The following METTL15 variants were observed in gnomAD, a reference collection of about 807,000 sequenced individuals.
METTL15 encodes the protein methyltransferase 15, mitochondrial 12S rRNA N4-cytidine, also known as 12S rRNA N(4)-cytidine methyltransferase METTL15.
In METTL15, 34 loss-of-function variants were observed where a neutral mutation model predicts 38.3. The observed-to-expected ratio is 0.89, with a 90% CI of 0.68 to 1.18. The LOEUF is 1.18. METTL15 is among the 50% of genes most tolerant of loss of function. METTL15 has a pLI of 0.00. For missense variants in METTL15, 438 were observed against 498.4 expected (o/e 0.88, Z 1.15); for synonymous variants, 162 against 170.9 (o/e 0.95, Z 0.41).
intron 6 of METTL15, among the ~76,000 whole-genome samples, chr11:28,450,481 A>G (rs565683205): frequency 6.6e-6 from 1 of 152,332 alleles, no homozygotes; most frequent in Admixed American, 6.5e-5. Flanking sequence ...GATATGATGA[A>G]TGTAAAAGCC....
At chr11:28,420,044 G>C (rs898204196) in intron 5 of METTL15, among the ~76,000 whole-genome samples, 2 of 151,902 alleles carry the variant, frequency 1.3e-5, no homozygotes, top group African/African-American at 2.4e-5. Context: ...GCCCAAAAGG[G>C]ATAAATCTAA....
intron 5 of METTL15, among the ~76,000 whole-genome samples, chr11:28,396,664 C>T (rs1850572467): frequency 6.6e-6 from 1 of 152,060 alleles, no homozygotes; most frequent in Non-Finnish European, 1.5e-5. Context: ...GGCCATACTG[C>T]CCAAGGTAAT....
chr11:28,125,062 G>GT (rs756239383), intron 3 of METTL15, among the ~76,000 whole-genome samples: 96 of 152,102 alleles, frequency 6.3e-4, no homozygotes, highest in Middle Eastern at 3.4e-3. Flanking sequence ...ATACAGACAG[G>GT]TTTTTCAGAA....
intron 5 of METTL15, among the ~76,000 whole-genome samples, chr11:28,294,414 C>A (rs1274427937): frequency 6.6e-6 from 1 of 152,182 alleles, no homozygotes; most frequent in East Asian, 1.9e-4. Context: ...ATGCAAGAGA[C>A]TTCCTTAACC....
At chr11:28,165,376 C>T (rs1202520087) in intron 3 of METTL15, among the ~76,000 whole-genome samples, 1 of 152,074 alleles carries the variant, frequency 6.6e-6, no homozygotes, top group Non-Finnish European at 1.5e-5. Context: ...AATAGCCATT[C>T]TACAGTTATA....
In METTL15 at chr11:28,419,188, C is replaced by T. The variant is rs143931317; in HGVS notation, c.*359-5111C>T. 1.5e-3 allele frequency among the ~76,000 whole-genome samples: 229 copies of T among 152,234 alleles called. 1 individual carries two copies. Among genetic ancestry groups the T allele is most frequent in the Non-Finnish European group, 3.0e-3 (201 of 68,018 alleles). On this transcript the variant is annotated intron_variant and NMD_transcript_variant, in intron 5 of 7. Coordinates refer to the METTL15 transcript ENST00000532947. Reference sequence around the variant, plus strand: ...GATTACAGCAAGTGTTGGGCAATACCCAGTGCTATGCCAGTTTCAGGTCTG... The same window carrying T: ...GATTACAGCAAGTGTTGGGCAATACTCAGTGCTATGCCAGTTTCAGGTCTG...
At chr11:28,175,848 A>G (rs1441914658) in intron 3 of METTL15, among the ~76,000 whole-genome samples, 4 of 152,102 alleles carry the variant, frequency 2.6e-5, no homozygotes, top group Non-Finnish European at 5.9e-5. Context: ...TTCATGCACA[A>G]GACAAATTCG....
chr11:28,375,301 T>C (rs1028774566), intron 5 of METTL15, among the ~76,000 whole-genome samples: 1 of 149,222 alleles, frequency 6.7e-6, no homozygotes, highest in South Asian at 2.2e-4. Flanking sequence ...GGTCCTGGAC[T>C]CTTTTTGGTT....
At chr11:28,278,562 G>T (rs56237435) in intron 4 of METTL15, among the ~76,000 whole-genome samples, 1 of 151,982 alleles carries the variant, frequency 6.6e-6, no homozygotes, top group Non-Finnish European at 1.5e-5. Flanking sequence ...AATCTAAGAA[G>T]AATTCTTCCA....
At chr11:28,391,507 G>A (rs924360090) in intron 5 of METTL15, among the ~76,000 whole-genome samples, 4 of 152,144 alleles carry the variant, frequency 2.6e-5, no homozygotes, top group African/African-American at 9.7e-5. Flanking sequence ...ACATTGCCAA[G>A]TCAATCCTAA....
chr11:28,452,909 A>T (rs1851135285), intron 6 of METTL15, among the ~76,000 whole-genome samples: 1 of 152,188 alleles, frequency 6.6e-6, no homozygotes, highest in African/African-American at 2.4e-5. Context: ...TTGATGTGAA[A>T]CACAAATGTT....
chr11:28,429,927 GC>G (rs1427493701), intron 6 of METTL15, among the ~76,000 whole-genome samples: 1 of 120,166 alleles, frequency 8.3e-6, no homozygotes, highest in African/African-American at 3.3e-5. Context: ...CCTCTTCCCA[GC>G]CGCCATCACA....
At chr11:28,218,565 G>A (rs534653270) in intron 4 of METTL15, among the ~76,000 whole-genome samples, 4 of 152,080 alleles carry the variant, frequency 2.6e-5, no homozygotes, top group African/African-American at 7.2e-5. Context: ...TCTCCTGCCT[G>A]ATTGCCCTGG....
chr11:28,234,275 G>A (rs1853832467), intron 4 of METTL15, among the ~76,000 whole-genome samples: 1 of 151,960 alleles, frequency 6.6e-6, no homozygotes, highest in African/African-American at 2.4e-5. Context: ...ACATGTGCAT[G>A]TGTCTTTATA....
chr11:28,278,367 G>A (rs184862285), intron 4 of METTL15, among the ~76,000 whole-genome samples: 78 of 152,166 alleles, frequency 5.1e-4, no homozygotes, highest in Non-Finnish European at 4.9e-4. Context: ...TCTCACCAAG[G>A]AAGTTTTCTT....
chr11:28,375,852 T>A (rs1252195402), intron 5 of METTL15, among the ~76,000 whole-genome samples: 28 of 152,010 alleles, frequency 1.8e-4, no homozygotes, highest in Non-Finnish European at 3.4e-4. Flanking sequence ...GTCCCAGAGA[T>A]TCTGGTATGT....
chr11:28,179,047 A>G (rs563678369), intron 3 of METTL15, among the ~76,000 whole-genome samples: 1 of 151,764 alleles, frequency 6.6e-6, no homozygotes, highest in Non-Finnish European at 1.5e-5. Context: ...AATTTATGAT[A>G]AAAGAAAACA....
intron 4 of METTL15, among the ~76,000 whole-genome samples, chr11:28,353,819 G>A (rs1321989048): frequency 6.6e-6 from 1 of 151,542 alleles, no homozygotes; most frequent in Non-Finnish European, 1.5e-5. Flanking sequence ...CAGCTACTGG[G>A]GAGGCTGAGG....
At chr11:28,344,884 T>A (rs1259994907) in intron 3 of METTL15, among the ~76,000 whole-genome samples, 1 of 152,228 alleles carries the variant, frequency 6.6e-6, no homozygotes, top group South Asian at 2.1e-4. Flanking sequence ...TTGAGGAAAG[T>A]AAAATGAAAC....
Sources: allele counts gnomAD v4.1 joint callset (sites outside exome capture counted in the v4.1 genomes callset), GRCh38; gene constraint gnomAD v4.1.1; transcripts MANE v1.5; gene names NCBI Gene and HGNC (gene_info 2026-07-23, HGNC 2026-07-21).